Variants in TBC1D14 observed in about 807,000 individuals in gnomAD.
The protein encoded by TBC1D14 is TBC1 domain family member 14.
TBC1D14 carries 26 observed loss-of-function variants against 79.0 expected under a neutral mutation model. The ratio of observed to expected loss-of-function variants is 0.33; its 90% CI spans 0.24 to 0.46. The LOEUF is 0.46. TBC1D14 is among the 20% of genes least tolerant of loss of function. The probability of loss-of-function intolerance (pLI) is 1.00; values close to 1 mark genes in which losing one functional copy is unlikely to be tolerated. For missense variants in TBC1D14, 769 were observed against 887.6 expected (o/e 0.87, Z 1.70); for synonymous variants, 394 against 349.9 (o/e 1.13, Z -1.40).
chr4:6,996,139 T>C (rs960993996), intron 4 of TBC1D14, among the ~76,000 whole-genome samples, 186 bp from the exon 5 acceptor site: 3 of 152,368 alleles, frequency 2.0e-5, no homozygotes, highest in South Asian at 2.1e-4. Context: ...ATTTGTTTTA[T>C]AGTGAACTTG....
At chr4:6,994,375 T>G in intron 4 of TBC1D14, 73 bp downstream of exon 4, 1 of 1,399,470 alleles carries the variant, frequency 7.1e-7, no homozygotes. Flanking sequence ...AGCTTTTCAT[T>G]AGAGAAAAAC....
intron 9 of TBC1D14, chr4:7,007,407 G>A (rs897718815): frequency 2.1e-5 from 11 of 516,328 alleles, no homozygotes; most frequent in South Asian, 7.6e-5. Context: ...GCCAGCAGAC[G>A]TTAATCTGGG....
intron 11 of TBC1D14, among the ~76,000 whole-genome samples, chr4:7,013,768 G>A (rs1166084719): frequency 1.3e-5 from 2 of 150,032 alleles, no homozygotes; most frequent in South Asian, 4.2e-4. Flanking sequence ...TTATGAGATG[G>A]AGTCTCGCTG....
chr4:7,001,093 C>T, intron 6 of TBC1D14, 52 bp from the exon 7 acceptor site: 1 of 1,539,904 alleles, frequency 6.5e-7, no homozygotes, highest in South Asian at 1.1e-5. Flanking sequence ...CGCAGGTAGA[C>T]AAATGTCTTT....
At chr4:6,965,160 CTT>C (rs71646674) in intron 2 of TBC1D14, among the ~76,000 whole-genome samples, 1 of 14,326 alleles carries the variant, frequency 7.0e-5, no homozygotes, top group Non-Finnish European at 2.9e-4. Context: ...TCCCAATAAT[CTT>C]TTTTTTTTTT....
In TBC1D14 at chr4:6,943,081, G is replaced by A. The variant is rs377116345; in HGVS notation, c.722+18970G>A. On this transcript the variant is annotated intron_variant, in intron 2 of 13. Transcript: ENST00000409757. ...GTTCCTTCCGTCCTGTGGCCCCATC[G>A]TTTTCAGCAGAAGCTTGCTGGGTTG... Among the ~76,000 whole-genome samples the A allele has an allele frequency of 1.1e-4, 17 of 152,256 alleles. No individual in the cohort carries two copies. The East Asian group carries it at 1.2e-3, about 10-fold the overall frequency.
upstream of TBC1D14, chr4:6,909,501 A>G (rs976251496): frequency 1.3e-5 from 2 of 151,996 alleles, no homozygotes; most frequent in Non-Finnish European, 2.9e-5. Context: ...GGTGGAGCCG[A>G]CCAGGTAAGG....
At chr4:6,929,269 G>T (rs1032412891) in intron 2 of TBC1D14, among the ~76,000 whole-genome samples, 11 of 152,160 alleles carry the variant, frequency 7.2e-5, no homozygotes, top group Admixed American at 5.2e-4. Flanking sequence ...CTTTACATTA[G>T]AGTTGCGGCG....
chr4:7,018,259 C>T, intron 12 of TBC1D14, among the ~76,000 whole-genome samples: 1 of 152,002 alleles, frequency 6.6e-6, no homozygotes, highest in African/African-American at 2.4e-5. Flanking sequence ...CAGCAGCTAA[C>T]TGCCTGAGCA....
At chr4:6,939,214 C>T (rs1376551954) in intron 2 of TBC1D14, among the ~76,000 whole-genome samples, 1 of 152,194 alleles carries the variant, frequency 6.6e-6, no homozygotes, top group Non-Finnish European at 1.5e-5. Context: ...GAAGAACCTT[C>T]TGGAATCAGC....
intron 3 of TBC1D14, among the ~76,000 whole-genome samples, chr4:6,968,499 G>A (rs1255755137): frequency 6.6e-6 from 1 of 152,236 alleles, no homozygotes; most frequent in Non-Finnish European, 1.5e-5. Context: ...GAAGCACTGA[G>A]ACACAGAGGC....
chr4:7,013,668 G>A (rs1019016573), intron 11 of TBC1D14, among the ~76,000 whole-genome samples: 15 of 151,958 alleles, frequency 9.9e-5, no homozygotes, highest in Admixed American at 2.6e-4. Context: ...GGGTGCTGCC[G>A]TTGACTCAGA....
intron 6 of TBC1D14, among the ~76,000 whole-genome samples, chr4:7,000,579 G>T (rs577107386): frequency 6.6e-6 from 1 of 152,338 alleles, no homozygotes; most frequent in African/African-American, 2.4e-5. Flanking sequence ...TGTGTGTTCC[G>T]TGTCCCAGCA....
At chr4:7,024,923 A>G (rs1560366786) in intron 12 of TBC1D14, 81 bp from the exon 13 acceptor site, 5 of 1,566,582 alleles carry the variant, frequency 3.2e-6, no homozygotes, top group Non-Finnish European at 4.3e-6. Flanking sequence ...AGTGTTTTTC[A>G]TGGAATCAGA....
At chr4:6,931,710 T>C in intron 2 of TBC1D14, among the ~76,000 whole-genome samples, 1 of 152,116 alleles carries the variant, frequency 6.6e-6, no homozygotes, top group South Asian at 2.1e-4. Context: ...GATCCATTTT[T>C]TGAGTGGCTG....
chr4:6,987,235 G>C, intron 3 of TBC1D14: 3 of 1,258,908 alleles, frequency 2.4e-6, no homozygotes, highest in Non-Finnish European at 3.0e-6. Context: ...CGAGTCTGAG[G>C]AGCCGCCGCG....
intron 12 of TBC1D14, among the ~76,000 whole-genome samples, chr4:7,024,307 G>A (rs1230751680): frequency 6.6e-6 from 1 of 152,240 alleles, no homozygotes; most frequent in African/African-American, 2.4e-5. Context: ...CTCTGTGCCA[G>A]CACAGGAAAT....
chr4:6,931,309 T>C (rs188963050), intron 2 of TBC1D14, among the ~76,000 whole-genome samples: 1 of 152,360 alleles, frequency 6.6e-6, no homozygotes, highest in East Asian at 1.9e-4. Context: ...TACCTCTCGA[T>C]TGCAGAATGT....
chr4:6,975,283 A>C (rs1418793216), intron 3 of TBC1D14, among the ~76,000 whole-genome samples: 1 of 152,176 alleles, frequency 6.6e-6, no homozygotes, highest in African/African-American at 2.4e-5. Context: ...ATCTCAGCTC[A>C]CTGCAACATC....
Sources: gnomAD v4.1 joint callset for allele counts (sites outside exome capture counted in the v4.1 genomes callset) on GRCh38, gnomAD v4.1.1 for gene constraint, MANE v1.5 for transcripts, NCBI Gene and HGNC (gene_info 2026-07-23, HGNC 2026-07-21) for gene names.